Variants in SAMM50 observed in about 807,000 individuals in gnomAD.
SAMM50 encodes SAMM50 sorting and assembly machinery component, also known as sorting and assembly machinery component 50 homolog.
SAMM50 carries 47 observed loss-of-function variants against 66.9 expected under a neutral mutation model. The observed-to-expected ratio is 0.70, with a 90% CI of 0.56 to 0.90. The LOEUF (loss-of-function observed/expected upper bound fraction) is 0.90, where lower values mean the gene tolerates loss of function less well. Among genes scored for constraint, SAMM50 ranks in the 40% least tolerant of loss-of-function variants. SAMM50 has a pLI of 0.00. For synonymous variants in SAMM50, 191 were observed against 214.1 expected (o/e 0.89, Z 0.94); for missense variants, 535 against 595.3 (o/e 0.90, Z 1.05).
intron 1 of SAMM50, among the ~76,000 whole-genome samples, chr22:43,959,423 A>C (rs2050137016): frequency 6.6e-6 from 1 of 151,876 alleles, no homozygotes; most frequent in South Asian, 2.1e-4. Context: ...CATGGTGCTC[A>C]ATACACACTT....
intron 1 of SAMM50, among the ~76,000 whole-genome samples, chr22:43,959,614 C>CAAGGCAGGA (rs2050138533): frequency 6.6e-6 from 1 of 151,818 alleles, no homozygotes; most frequent in South Asian, 2.1e-4. Flanking sequence ...AGTGATCCTC[C>CAAGGCAGGA]TGCCTTGGCC....
chr22:43,980,729 A>G (rs2050260634), intron 10 of SAMM50, among the ~76,000 whole-genome samples: 1 of 152,230 alleles, frequency 6.6e-6, no homozygotes, highest in Non-Finnish European at 1.5e-5. Context: ...GGAGGGACAT[A>G]GGCATTTGCA....
At chr22:43,980,764 C>T (rs1213560525) in intron 10 of SAMM50, among the ~76,000 whole-genome samples, 1 of 152,168 alleles carries the variant, frequency 6.6e-6, no homozygotes, top group African/African-American at 2.4e-5. Flanking sequence ...TGAGGCTCGG[C>T]CAGCCGCCCG....
At chr22:43,986,299 C>T (rs1453940440) in intron 12 of SAMM50, 1 of 152,020 alleles carries the variant, frequency 6.6e-6, no homozygotes, top group Non-Finnish European at 1.5e-5. Flanking sequence ...CTTGGCCTCC[C>T]AAAGTGCTGG....
intron 1 of SAMM50, among the ~76,000 whole-genome samples, chr22:43,956,327 A>G (rs1298085339): frequency 6.6e-6 from 1 of 152,156 alleles, no homozygotes; most frequent in Non-Finnish European, 1.5e-5. Context: ...CCCCAACACT[A>G]CTTTTCTACT....
Position 43,963,337 on chromosome 22 carries a change from G to A in SAMM50, c.73G>A (p.Glu25Lys). Reference protein sequence around the residue: ...SGPDFGGLGEEAEFVEVEPEA... With the variant: ...SGPDFGGLGEKAEFVEVEPEA... The stretch of plus-strand genomic sequence containing the variant: ...ACCTGATTTTGGAGGATTAGGAGAA[G>A]AAGCTGAATTTGTTGAAGTTGAGCC... The change falls in exon 2 of 15, where the codon GAA becomes AAA. Residue 25 changes from glutamate (E) to lysine (K), a missense_variant. By Grantham distance (56) the Glu-to-Lys change is moderately conservative. Coordinates refer to ENST00000350028, the MANE Select transcript of SAMM50 (RefSeq NM_015380.5). 6.2e-7 allele frequency: 1 copy of A among 1,613,352 alleles called. No individual in the cohort carries two copies. Among genetic ancestry groups the A allele is most frequent in the Non-Finnish European group, 8.5e-7 (1 of 1,179,856 alleles).
chr22:43,969,961 C>G (rs2050195164), intron 4 of SAMM50, among the ~76,000 whole-genome samples: 1 of 152,170 alleles, frequency 6.6e-6, no homozygotes, highest in Non-Finnish European at 1.5e-5. Context: ...GAATGAGTAA[C>G]TCTTCAGAAT....
chr22:43,972,893 A>G lies in SAMM50; in HGVS notation c.452A>G (p.Asn151Ser), dbSNP rs750044700. 1.3e-6 allele frequency: 2 copies of G among 1,599,080 alleles called. No homozygotes were observed. The highest frequency in any genetic ancestry group is 3.6e-5 in the Admixed American group (2 of 55,656). Residue 151 changes from asparagine (N) to serine (S), a missense_variant, in exon 6 of 15, where the codon AAT (asparagine) becomes AGT (serine). Asn to Ser is a conservative substitution (Grantham distance 46). Coordinates refer to ENST00000350028, the MANE Select transcript of SAMM50 (RefSeq NM_015380.5). ...GSMVLGLKLP[N>S]LLGRAEKVTF... ...TAGGTACTTGGCCTCAAGCTTCCTA[A>G]TCTTCTTGGTCGTGCAGAAAAGGTG... is the stretch of plus-strand genomic sequence containing the variant.
intron 13 of SAMM50, 63 bp downstream of exon 13, chr22:43,989,320 T>C: frequency 6.9e-7 from 1 of 1,457,358 alleles, no homozygotes. Context: ...AAAAGCACAG[T>C]ACACAAAGAG....
intron 1 of SAMM50, among the ~76,000 whole-genome samples, chr22:43,958,476 C>CTT (rs3083316): frequency 0.18 from 20,482 of 112,292 alleles, 2,460 homozygotes; most frequent in East Asian, 0.33. Context: ...TTATGGAGCT[C>CTT]TTTTTTTTTT....
At chr22:43,956,590 A>T (rs566896554) in intron 1 of SAMM50, among the ~76,000 whole-genome samples, 38 of 152,344 alleles carry the variant, frequency 2.5e-4, no homozygotes, top group African/African-American at 8.7e-4. Flanking sequence ...AAAGAGTTTC[A>T]GTTGCAGGGC....
At chr22:43,992,818 G>A (rs1178201853) in intron 14 of SAMM50, among the ~76,000 whole-genome samples, 1 of 152,226 alleles carries the variant, frequency 6.6e-6, no homozygotes, top group Non-Finnish European at 1.5e-5. Context: ...CTCACACAAG[G>A]GAACAGGTTC....
intron 7 of SAMM50, among the ~76,000 whole-genome samples, chr22:43,973,936 C>T (rs182385276): frequency 1.7e-3 from 258 of 152,212 alleles, no homozygotes; most frequent in Non-Finnish European, 3.0e-3. Context: ...TTTTGGTTCA[C>T]ACCTAAGTTT....
chr22:43,984,909 T>C (rs1376501098), intron 12 of SAMM50, among the ~76,000 whole-genome samples: 1 of 152,062 alleles, frequency 6.6e-6, no homozygotes, highest in Non-Finnish European at 1.5e-5. Context: ...GGATTACAGA[T>C]GTGAGCCACT....
chr22:43,958,221 G>A (rs1028998447), intron 1 of SAMM50, among the ~76,000 whole-genome samples: 19 of 152,216 alleles, frequency 1.2e-4, no homozygotes, highest in African/African-American at 3.6e-4. Context: ...TCGCCTTTCC[G>A]TGCCATTTCC....
chr22:43,989,120 T>C lies in SAMM50; in HGVS notation c.1085T>C (p.Leu362Pro). Residue 362 changes from leucine to proline, a missense_variant, in exon 13 of 15, where the codon CTA becomes CCA. Leu to Pro is a moderately conservative substitution (Grantham distance 98, BLOSUM62 -3). Transcript: ENST00000350028. Reference protein sequence around the residue: ...SIGPQSEGDYLGGEAYWAGGL... With the variant: ...SIGPQSEGDYPGGEAYWAGGL... ...CCCCTCCTTTGCTTAGGAGACTACC[T>C]AGGTGGAGAAGCGTACTGGGCCGGC... The C allele has an allele frequency of 6.2e-7, 1 of 1,613,900 alleles. No homozygotes were observed. The highest frequency in any genetic ancestry group is 8.5e-7 in the Non-Finnish European group (1 of 1,179,970).
chr22:43,965,617 C>T (rs5764430), intron 3 of SAMM50, among the ~76,000 whole-genome samples: 1 of 152,070 alleles, frequency 6.6e-6, no homozygotes, highest in Admixed American at 6.5e-5. Context: ...ATTTTCCCTA[C>T]CCCGGCCAAT....
chr22:43,978,459 C>T (rs1193646194), intron 10 of SAMM50, among the ~76,000 whole-genome samples: 1 of 118,532 alleles, frequency 8.4e-6, no homozygotes, highest in East Asian at 3.0e-4. Context: ...AAAAAGTAAC[C>T]TCTGCTAATC....
chr22:43,955,968 C>G (rs1340833652), intron 1 of SAMM50, among the ~76,000 whole-genome samples: 2 of 152,208 alleles, frequency 1.3e-5, no homozygotes, highest in Non-Finnish European at 2.9e-5. Flanking sequence ...GCTGCTGGAG[C>G]CATTGTAGGC....
Sources: allele counts gnomAD v4.1 joint callset (sites outside exome capture counted in the v4.1 genomes callset), GRCh38; gene constraint gnomAD v4.1.1; transcripts MANE v1.5; gene names NCBI Gene and HGNC (gene_info 2026-07-23, HGNC 2026-07-21).